NEK2: variants seen among roughly 807,000 people sequenced by gnomAD.
NEK2 encodes the protein NIMA related kinase 2.
A neutral mutation model predicts 54.1 loss-of-function variants in NEK2; 28 were observed. The ratio of observed to expected loss-of-function variants is 0.52; its 90% CI spans 0.38 to 0.71. NEK2 has a LOEUF of 0.71. Ranked by LOEUF, NEK2 falls within the 30% of genes least tolerant of loss-of-function variation. The pLI, the probability that NEK2 is intolerant of heterozygous loss-of-function variation, is 0.00. For synonymous variants in NEK2, 176 were observed against 193.1 expected (o/e 0.91, Z 0.73); for missense variants, 407 against 531.5 (o/e 0.77, Z 2.30).
At chr1:211,661,830 G>C (rs1214628672), downstream of NEK2, among the ~76,000 whole-genome samples, 3 of 152,242 alleles carry the variant, frequency 2.0e-5, no homozygotes, top group Non-Finnish European at 4.4e-5. Flanking sequence ...TCTGACAAAG[G>C]GCATTTTTTT....
intron 4 of NEK2, 49 bp downstream of exon 4, chr1:211,671,153 G>A: frequency 6.9e-7 from 1 of 1,452,012 alleles, no homozygotes; most frequent in Non-Finnish European, 9.7e-7. Flanking sequence ...AGTGAAATGT[G>A]ACAAACAGTA....
In NEK2 at chr1:211,675,493, C is replaced by T; in HGVS notation, c.-14G>A. The T allele has an allele frequency of 1.2e-6, 2 of 1,610,490 alleles. No homozygotes were observed. Among genetic ancestry groups the T allele is most frequent in the African/African-American group, 2.7e-5 (2 of 74,968 alleles). On this transcript the variant is annotated 5_prime_UTR_variant, in exon 1 of 8. Transcript: ENST00000366999. The stretch of plus-strand genomic sequence containing the variant: ...CCGGGAAGGCATGGCCGGCCAGTCG[C>T]CAGAGTCGCGCTGCCTCACGCAGGT...
In NEK2 at chr1:211,669,162, C is replaced by T; in HGVS notation, c.936G>A (p.Gln312=). 4 of 1,613,972 alleles carry T rather than the reference C, an allele frequency of 2.5e-6. No homozygotes were observed. The highest frequency in any genetic ancestry group is 3.4e-6 in the Non-Finnish European group (4 of 1,179,862). Residue 312 remains glutamine (Q), a synonymous_variant, in exon 6 of 8, where the codon CAG becomes CAA. Transcript: ENST00000366999. Reference sequence around the variant, plus strand: ...TGAGAGCTCGCTCTCGCTCCTGTAACTGAATTTCCTTCAGTTTCAGCTCAC... The same window carrying T: ...TGAGAGCTCGCTCTCGCTCCTGTAATTGAATTTCCTTCAGTTTCAGCTCAC... ...VLSELKLKEI[Q]LQERERALKA...
At chr1:211,668,151 C>T (rs748834914) in intron 6 of NEK2, among the ~76,000 whole-genome samples, 14 of 152,134 alleles carry the variant, frequency 9.2e-5, no homozygotes, top group Middle Eastern at 3.4e-3. Flanking sequence ...TGTACCTATA[C>T]AGTAAGCATA....
At chr1:211,663,673 A>T in intron 7 of NEK2, 21 bp from the exon 8 acceptor site, 4 of 1,606,538 alleles carry the variant, frequency 2.5e-6, no homozygotes, top group Non-Finnish European at 3.4e-6. Flanking sequence ...AAAAAGAAAA[A>T]GGGCTCTGAG....
intron 5 of NEK2, 198 bp from the exon 6 acceptor site, chr1:211,669,530 A>G (rs538805618): frequency 1.7e-6 from 1 of 581,866 alleles, no homozygotes; most frequent in South Asian, 2.1e-5. Flanking sequence ...AAGGTAATGC[A>G]GATGTTAACT....
downstream of NEK2, among the ~76,000 whole-genome samples, chr1:211,658,418 G>A (rs1310566989): frequency 2.0e-5 from 3 of 151,892 alleles, no homozygotes; most frequent in Non-Finnish European, 4.4e-5. Context: ...TTTTGTGCAA[G>A]CATAAACATT....
intron 4 of NEK2, 163 bp downstream of exon 4, chr1:211,671,038 GT>G (rs755447340): frequency 6.2e-5 from 37 of 594,962 alleles, no homozygotes; most frequent in Non-Finnish European, 1.0e-4. Flanking sequence ...TTTGTGAATA[GT>G]TTCTTTTAGC....
intron 4 of NEK2, among the ~76,000 whole-genome samples, chr1:211,670,690 T>C (rs1655346961): frequency 6.6e-6 from 1 of 152,208 alleles, no homozygotes; most frequent in Admixed American, 6.5e-5. Flanking sequence ...CCAGCTGTGA[T>C]AACTAAAAAT....
At position 211,674,408 on chromosome 1, in the gene NEK2, C is replaced by A; in HGVS notation, c.202G>T (p.Val68Phe). The change falls in exon 2 of 8, where the codon GTT becomes TTT. Residue 68 changes from valine (V) to phenylalanine (F), a missense_variant. By Grantham distance (50) the Val-to-Phe change is conservative. Transcript: ENST00000366999. ...LLRELKHPNI[V>F]RYYDRIIDRT... Reference sequence around the variant, plus strand: ...TCAATAATCCGATCATAGTAACGAACGATGTTTGGATGTTTCAGTTCACGA... The same window carrying A: ...TCAATAATCCGATCATAGTAACGAAAGATGTTTGGATGTTTCAGTTCACGA... The A allele has an allele frequency of 6.2e-7, 1 of 1,614,052 alleles. No individual in the cohort carries two copies. The highest frequency in any genetic ancestry group is 8.5e-7 in the Non-Finnish European group (1 of 1,180,004).
At chr1:211,661,352 AATTTTCTATCAAATGC>A, downstream of NEK2, 1 of 409,436 alleles carries the variant, frequency 2.4e-6, no homozygotes, top group African/African-American at 2.0e-5. Flanking sequence ...CTACTCATCT[AATTTTCTATCAAATGC>A]ATTGGGCTGA....
chr1:211,673,820 T>G, intron 2 of NEK2, 97 bp from the exon 3 acceptor site: 1 of 1,169,848 alleles, frequency 8.5e-7, no homozygotes, highest in Non-Finnish European at 1.2e-6. Context: ...GGGAATTTAT[T>G]TATTTATTTA....
chr1:211,670,395 T>C lies in NEK2; in HGVS notation c.651A>G (p.Thr217=). 1.9e-6 allele frequency: 3 copies of C among 1,613,146 alleles called. No individual in the cohort carries two copies. The highest frequency in any genetic ancestry group is 2.5e-6 in the Non-Finnish European group (3 of 1,179,626). ...CAGCGAGTTCTTTCTGGCTAAAAGC[T>C]GTAAATGGAGGCCTAGGGTTAAAAA... ...YELCALMPPF[T]AFSQKELAGK... is the part of the protein sequence containing the mutation. The change falls in exon 5 of 8, where the codon ACA becomes ACG. Residue 217 remains threonine, a synonymous_variant. Transcript: ENST00000366999.
rs1345355060 is a variant in NEK2, at chr1:211,671,251, A to G, written c.589T>C (p.Ser197Pro). Reference sequence around the variant, plus strand: ...AAGCAGCCCAATGACCAGATATCTGATTTCTCATTGTAGGACATGCGATTC... The same window carrying G: ...AAGCAGCCCAATGACCAGATATCTGGTTTCTCATTGTAGGACATGCGATTC... ...QMNRMSYNEK[S>P]DIWSLGCLLY... Residue 197 changes from serine (S) to proline (P), a missense_variant, in exon 4 of 8, where the codon TCA becomes CCA. Coordinates refer to ENST00000366999, the MANE Select transcript of NEK2 (RefSeq NM_002497.4). 5 of 1,613,676 alleles carry G rather than the reference A, an allele frequency of 3.1e-6. No individual in the cohort carries two copies. The highest frequency in any genetic ancestry group is 4.2e-6 in the Non-Finnish European group (5 of 1,179,642).
intron 4 of NEK2, 26 bp from the exon 5 acceptor site, chr1:211,670,433 C>A: frequency 6.3e-7 from 1 of 1,587,242 alleles, no homozygotes; most frequent in Non-Finnish European, 8.5e-7. Context: ...AAGAAGAAGA[C>A]GACGAAGACA....
intron 1 of NEK2, among the ~76,000 whole-genome samples, chr1:211,674,732 T>C (rs1385073002): frequency 1.3e-5 from 2 of 152,178 alleles, no homozygotes; most frequent in African/African-American, 4.8e-5. Flanking sequence ...CAAACGGGAA[T>C]GAGGCACATG....
At chr1:211,659,805 A>C, downstream of NEK2, among the ~76,000 whole-genome samples, 1 of 144,226 alleles carries the variant, frequency 6.9e-6, no homozygotes, top group South Asian at 2.4e-4. Context: ...ACAAGGAAAC[A>C]CTCTTCCCCC....
chr1:211,659,205 TG>T (rs1168663342), downstream of NEK2, among the ~76,000 whole-genome samples: 1 of 143,098 alleles, frequency 7.0e-6, no homozygotes, highest in East Asian at 2.0e-4. Flanking sequence ...TTTTAAATAG[TG>T]AAAAAAAAAC....
chr1:211,663,575 T>A lies in NEK2; in HGVS notation c.1189A>T (p.Ser397Cys), dbSNP rs762818619. ...SGESKENIMR[S>C]ENSESQLTSK... ...GTGAGCTGACTCTCAGAATTCTCACTCCTCATGATGTTCTCTTTACTTTCC... is the reference window on the plus strand; with the variant it reads ...GTGAGCTGACTCTCAGAATTCTCACACCTCATGATGTTCTCTTTACTTTCC... The change falls in exon 8 of 8, where the codon AGT (serine) becomes TGT (cysteine). Residue 397 changes from serine (S) to cysteine (C), a missense_variant. By Grantham distance (112) the Ser-to-Cys change is moderately radical (BLOSUM62 -1). Coordinates refer to ENST00000366999, the MANE Select transcript of NEK2 (RefSeq NM_002497.4). 1.4e-5 allele frequency: 22 copies of A among 1,613,762 alleles called. No individual in the cohort carries two copies. Among genetic ancestry groups the A allele is most frequent in the Non-Finnish European group, 1.9e-5 (22 of 1,179,848 alleles).
Sources: gnomAD v4.1 joint callset for allele counts (sites outside exome capture counted in the v4.1 genomes callset) on GRCh38, gnomAD v4.1.1 for gene constraint, MANE v1.5 for transcripts, NCBI Gene and HGNC (gene_info 2026-07-23, HGNC 2026-07-21) for gene names.